Variants in CNTNAP5 observed in about 807,000 individuals in gnomAD.
The protein encoded by CNTNAP5 is contactin associated protein family member 5, also known as contactin-associated protein-like 5.
In CNTNAP5, 72 loss-of-function variants were observed where a neutral mutation model predicts 150.2. That is an observed-to-expected ratio of 0.48 (90% CI 0.40 to 0.58). The LOEUF (loss-of-function observed/expected upper bound fraction) is 0.58, where lower values mean the gene tolerates loss of function less well. Ranked by LOEUF, CNTNAP5 falls within the 20% of genes least tolerant of loss-of-function variation. CNTNAP5 has a pLI of 0.00. For synonymous variants in CNTNAP5, 672 were observed against 619.8 expected, an observed-to-expected ratio of 1.08 and a Z score of -1.25; for missense variants, 1,636 against 1,626.2, an observed-to-expected ratio of 1.01 and a Z score of -0.10.
At chr2:124,287,293 T>C (rs1402918089) in intron 3 of CNTNAP5, among the ~76,000 whole-genome samples, 1 of 152,190 alleles carries the variant, frequency 6.6e-6, no homozygotes, top group Non-Finnish European at 1.5e-5. Flanking sequence ...GCATGCAACC[T>C]GTAGATAACC....
chr2:124,408,173 G>C (rs1320504271), intron 3 of CNTNAP5, among the ~76,000 whole-genome samples: 1 of 152,200 alleles, frequency 6.6e-6, no homozygotes, highest in Admixed American at 6.5e-5. Context: ...GCGCTTTTCC[G>C]ACGGGCTTAA....
chr2:124,537,543 G>C (rs1695267809), intron 10 of CNTNAP5, among the ~76,000 whole-genome samples: 1 of 152,002 alleles, frequency 6.6e-6, no homozygotes, highest in Admixed American at 6.6e-5. Flanking sequence ...AGAAGAAACT[G>C]GGAACTTGCC....
chr2:124,697,102 AT>A (rs1305562986), intron 13 of CNTNAP5, among the ~76,000 whole-genome samples: 1 of 152,114 alleles, frequency 6.6e-6, no homozygotes, highest in East Asian at 1.9e-4. Context: ...TTTAAAAAAA[AT>A]CTTTATTTGT....
chr2:124,764,911 C>T (rs1681035047), intron 16 of CNTNAP5, among the ~76,000 whole-genome samples: 1 of 151,970 alleles, frequency 6.6e-6, no homozygotes, highest in African/African-American at 2.4e-5. Context: ...ATCATAGTAA[C>T]ATTAAAATTT....
At chr2:124,063,601 C>T (rs904742456) in intron 1 of CNTNAP5, among the ~76,000 whole-genome samples, 2 of 152,216 alleles carry the variant, frequency 1.3e-5, no homozygotes, top group South Asian at 2.1e-4. Flanking sequence ...GGACGCAACA[C>T]GTATTTCTTA....
In CNTNAP5 at chr2:124,341,838, C is replaced by G. The variant is rs979974937; in HGVS notation, c.382-75605C>G. On this transcript the variant is annotated intron_variant, in intron 3 of 23. Transcript: ENST00000682447. ...TTATGAGAGAATGTCTATAAATAAG[C>G]TGTTGTGGTGATTTCCCTGAAGGTT... Among the ~76,000 whole-genome samples the G allele has an allele frequency of 1.3e-4, 20 of 152,206 alleles. No individual in the cohort carries two copies. The East Asian group carries it at 3.9e-3, about 29-fold the overall frequency.
intron 21 of CNTNAP5, among the ~76,000 whole-genome samples, chr2:124,897,981 G>C (rs1032675885): frequency 6.7e-6 from 1 of 148,970 alleles, no homozygotes; most frequent in Non-Finnish European, 1.5e-5. Flanking sequence ...GTGTGTGTAT[G>C]TGTGTGTAAC....
At chr2:124,486,981 T>G (rs1693895227) in intron 7 of CNTNAP5, among the ~76,000 whole-genome samples, 1 of 152,210 alleles carries the variant, frequency 6.6e-6, no homozygotes, top group Non-Finnish European at 1.5e-5. Flanking sequence ...ACCTAAAAAT[T>G]GTTTTACATA....
At chr2:124,439,911 C>T (rs1310174898) in intron 5 of CNTNAP5, among the ~76,000 whole-genome samples, 1 of 152,138 alleles carries the variant, frequency 6.6e-6, no homozygotes, top group Non-Finnish European at 1.5e-5. Context: ...CAAAAGAATG[C>T]CCTCCATTCC....
intron 16 of CNTNAP5, among the ~76,000 whole-genome samples, chr2:124,766,591 C>T (rs1681074098): frequency 6.6e-6 from 1 of 152,146 alleles, no homozygotes; most frequent in African/African-American, 2.4e-5. Context: ...GCTCTTGTGG[C>T]TTTGGTGTGA....
At chr2:124,653,943 T>C (rs776065413) in intron 13 of CNTNAP5, among the ~76,000 whole-genome samples, 22 of 107,742 alleles carry the variant, frequency 2.0e-4, no homozygotes, top group Non-Finnish European at 2.9e-4. Context: ...ACACAATCAG[T>C]GCATGTTGAA....
intron 2 of CNTNAP5, among the ~76,000 whole-genome samples, chr2:124,238,117 G>T (rs1167111717): frequency 6.6e-6 from 1 of 152,128 alleles, no homozygotes; most frequent in Non-Finnish European, 1.5e-5. Context: ...TATGTTTCTA[G>T]TGAGAATTGC....
rs560362913 is a variant in CNTNAP5 at position 124,156,207 on chromosome 2, C to T, written c.83-65498C>T. ...TTAAAGAGACAGTTTGGAATTCCAG[C>T]AAGACCAGTGTGGAGCAGCAGGAGG... On this transcript the variant is annotated intron_variant, in intron 1 of 23. Coordinates refer to ENST00000682447, the MANE Select transcript of CNTNAP5 (RefSeq NM_001367498.1). Among the ~76,000 whole-genome samples, 25 of 152,300 alleles carry T rather than the reference C, an allele frequency of 1.6e-4. No individual in the cohort carries two copies. The South Asian group carries it at 5.0e-3, about 30-fold the overall frequency.
chr2:124,806,613 T>A (rs1682086119), intron 19 of CNTNAP5, among the ~76,000 whole-genome samples: 1 of 152,238 alleles, frequency 6.6e-6, no homozygotes, highest in African/African-American at 2.4e-5. Flanking sequence ...TGCTGGTTTT[T>A]TCAGCAATGC....
intron 22 of CNTNAP5, among the ~76,000 whole-genome samples, chr2:124,911,103 A>G (rs567179717): frequency 6.6e-5 from 10 of 151,732 alleles, no homozygotes; most frequent in Admixed American, 1.3e-4. Flanking sequence ...TTGCATCTGA[A>G]GAAAACTCTC....
chr2:124,446,845 C>T lies in CNTNAP5; in HGVS notation c.826C>T (p.Arg276Trp), dbSNP rs200941353. 10 of 1,613,750 alleles carry T rather than the reference C, an allele frequency of 6.2e-6. No individual in the cohort carries two copies. The highest frequency in any genetic ancestry group is 1.1e-5 in the South Asian group (1 of 91,058). Reference protein sequence around the residue: ...DQHWHSVLIERVGKQVNFTVD... With the variant: ...DQHWHSVLIEWVGKQVNFTVD... ...GCACTGGCACTCGGTCCTCATTGAG[C>T]GGGTGGGCAAGCAGGTGAACTTCAC... The change falls in exon 6 of 24, where the codon CGG (arginine) becomes TGG (tryptophan). Residue 276 changes from arginine to tryptophan, a missense_variant. Transcript: ENST00000682447.
chr2:124,280,422 G>A (rs953485564), intron 3 of CNTNAP5, among the ~76,000 whole-genome samples: 3 of 152,006 alleles, frequency 2.0e-5, no homozygotes, highest in Admixed American at 6.6e-5. Context: ...CACCCGCCTT[G>A]GCCTCCCAAA....
At chr2:124,288,363 T>A (rs1688206193) in intron 3 of CNTNAP5, among the ~76,000 whole-genome samples, 2 of 152,152 alleles carry the variant, frequency 1.3e-5, no homozygotes, top group African/African-American at 4.8e-5. Flanking sequence ...ATCAAGTCAA[T>A]CAATTAGTCA....
intron 11 of CNTNAP5, among the ~76,000 whole-genome samples, chr2:124,570,577 A>C (rs1696128792): frequency 6.9e-6 from 1 of 145,652 alleles, no homozygotes; most frequent in South Asian, 2.2e-4. Flanking sequence ...CGGGTTGCTA[A>C]TATTTGTTTG....
Sources: gnomAD v4.1 joint callset for allele counts (sites outside exome capture counted in the v4.1 genomes callset) on GRCh38, gnomAD v4.1.1 for gene constraint, MANE v1.5 for transcripts, NCBI Gene and HGNC (gene_info 2026-07-23, HGNC 2026-07-21) for gene names.